APBA2: variants seen among roughly 807,000 people sequenced by gnomAD.
APBA2 encodes the protein amyloid-beta A4 precursor protein-binding family A member 2.
In APBA2, 30 loss-of-function variants were observed where a neutral mutation model predicts 75.0. That is an observed-to-expected ratio of 0.40 (90% CI 0.30 to 0.54). The LOEUF (loss-of-function observed/expected upper bound fraction) is 0.54. Among genes scored for constraint, APBA2 ranks in the 20% least tolerant of loss-of-function variants. The probability of loss-of-function intolerance (pLI) is 0.49; values close to 1 mark genes in which losing one functional copy is unlikely to be tolerated. For synonymous variants in APBA2, 444 were observed against 409.6 expected (o/e 1.08, Z -1.01); for missense variants, 801 against 1,016.1 (o/e 0.79, Z 2.88).
chr15:28,929,184 T>C (rs1045425072), intron 2 of APBA2, among the ~76,000 whole-genome samples: 1 of 152,198 alleles, frequency 6.6e-6, no homozygotes. Flanking sequence ...TATTTGATGG[T>C]TTACTCAGTT....
At chr15:28,945,903 T>A (rs2035522342) in intron 2 of APBA2, among the ~76,000 whole-genome samples, 1 of 152,168 alleles carries the variant, frequency 6.6e-6, no homozygotes, top group African/African-American at 2.4e-5. Flanking sequence ...AGAGTCGTGA[T>A]GAGGAGGAGG....
chr15:28,941,315 T>C (rs1327210776), intron 2 of APBA2, among the ~76,000 whole-genome samples: 1 of 152,082 alleles, frequency 6.6e-6, no homozygotes, highest in Non-Finnish European at 1.5e-5. Context: ...AGAGCCACAC[T>C]GCCCGGGAGC....
intron 2 of APBA2, among the ~76,000 whole-genome samples, chr15:28,931,725 G>A (rs2034575108): frequency 1.3e-5 from 2 of 152,164 alleles, no homozygotes; most frequent in Middle Eastern, 3.4e-3. Context: ...GGGTTAATTG[G>A]GATGTTATTG....
chr15:28,890,800 G>T (rs1283260973), intron 1 of APBA2, among the ~76,000 whole-genome samples: 4 of 152,222 alleles, frequency 2.6e-5, no homozygotes, highest in Non-Finnish European at 5.9e-5. Flanking sequence ...ACTGATGCAA[G>T]ATATTTTATG....
intron 3 of APBA2, among the ~76,000 whole-genome samples, chr15:29,004,766 G>A (rs1271080736): frequency 6.6e-6 from 1 of 152,122 alleles, no homozygotes; most frequent in Non-Finnish European, 1.5e-5. Flanking sequence ...CGTACCCTCC[G>A]CCTCCTGGGT....
intron 3 of APBA2, among the ~76,000 whole-genome samples, chr15:29,000,421 T>C (rs1269343038): frequency 2.0e-5 from 3 of 152,194 alleles, no homozygotes; most frequent in Non-Finnish European, 4.4e-5. Flanking sequence ...AGAAAAGAAG[T>C]TGTGGTAAAC....
intron 4 of APBA2, chr15:29,070,886 G>A: frequency 6.0e-6 from 2 of 331,520 alleles, no homozygotes; most frequent in Non-Finnish European, 1.2e-5. Flanking sequence ...GGGATTCCCA[G>A]AGAAGATTGT....
At chr15:28,984,679 C>T (rs1427786224) in intron 2 of APBA2, among the ~76,000 whole-genome samples, 2 of 151,698 alleles carry the variant, frequency 1.3e-5, no homozygotes, top group Admixed American at 1.3e-4. Flanking sequence ...CTGTATATCT[C>T]TCTCTGTCTA....
chr15:28,951,988 A>G (rs1200397084), intron 2 of APBA2, among the ~76,000 whole-genome samples: 1 of 149,954 alleles, frequency 6.7e-6, no homozygotes, highest in Non-Finnish European at 1.5e-5. Context: ...TCATGGGTTC[A>G]AGGGATTCTC....
rs78243727 is a variant in APBA2 at position 29,072,975 on chromosome 15, G to A, written c.952-1946G>A. Among the ~76,000 whole-genome samples, 1,200 of 152,222 alleles carry A rather than the reference G, an allele frequency of 7.9e-3. 26 individuals carry two copies. The highest frequency in any genetic ancestry group is 0.025 in the African/African-American group (1,052 of 41,522). ...TCGCCATCCTTAAAGCCCGGTGCCC[G>A]CTCCCCTGCATCCCCCACTCCCATT... On this transcript the variant is annotated intron_variant, in intron 4 of 14. Coordinates refer to ENST00000683413, the MANE Select transcript of APBA2 (RefSeq NM_001353788.2).
In APBA2 at chr15:29,053,877, C is replaced by A; in HGVS notation, c.-8C>A. The stretch of plus-strand genomic sequence containing the variant: ...CTCCGGGTGATGATGGCTGTGTGAA[C>A]GACTGCCATGGCCCACCGGAAGCTT... On this transcript the variant is annotated 5_prime_UTR_variant, in exon 4 of 15. Coordinates refer to ENST00000683413, the MANE Select transcript of APBA2 (RefSeq NM_001353788.2). 6.2e-7 allele frequency: 1 copy of A among 1,608,236 alleles called. No individual in the cohort carries two copies. Among genetic ancestry groups the A allele is most frequent in the Non-Finnish European group, 8.5e-7 (1 of 1,175,700 alleles).
At chr15:29,028,311 G>T (rs1320918193) in intron 3 of APBA2, among the ~76,000 whole-genome samples, 3 of 152,030 alleles carry the variant, frequency 2.0e-5, no homozygotes, top group Admixed American at 6.6e-5. Flanking sequence ...TTCCATCCAT[G>T]TTTCTGCAAA....
chr15:29,114,017 G>A lies in APBA2; in HGVS notation c.2178+1G>A. ...AGCTCTGTCCAACTCGGTCGGAGAG[G>A]TAAGGAGGGACTTTGAGTGTGCCTC... On this transcript the variant is annotated splice_donor_variant, in intron 14 of 14. Coordinates refer to ENST00000683413, the MANE Select transcript of APBA2 (RefSeq NM_001353788.2). LOFTEE classifies it high-confidence loss of function. The A allele has an allele frequency of 6.2e-7, 1 of 1,613,806 alleles. No individual in the cohort carries two copies. The highest frequency in any genetic ancestry group is 8.5e-7 in the Non-Finnish European group (1 of 1,180,038).
At chr15:28,910,378 T>C (rs1196907776) in intron 1 of APBA2, among the ~76,000 whole-genome samples, 3 of 152,150 alleles carry the variant, frequency 2.0e-5, no homozygotes, top group Non-Finnish European at 4.4e-5. Flanking sequence ...TGAAAAGTGC[T>C]CAGTGATTGG....
intron 1 of APBA2, among the ~76,000 whole-genome samples, chr15:28,894,329 C>A (rs1211623778): frequency 6.6e-6 from 1 of 152,146 alleles, no homozygotes; most frequent in Non-Finnish European, 1.5e-5. Flanking sequence ...CAGTTTAGAG[C>A]TGGGTGGGAT....
intron 2 of APBA2, among the ~76,000 whole-genome samples, chr15:28,957,174 G>A (rs1025496234): frequency 5.3e-5 from 8 of 152,072 alleles, no homozygotes; most frequent in Admixed American, 1.3e-4. Context: ...CCGGGTTCAC[G>A]CCATTCTCCT....
At chr15:29,094,182 T>G in intron 7 of APBA2, 96 bp from the exon 8 acceptor site, 5 of 1,362,174 alleles carry the variant, frequency 3.7e-6, no homozygotes, top group Middle Eastern at 1.8e-4. Flanking sequence ...GCACCAGACC[T>G]GAGAGTGGGG....
At chr15:29,100,905 A>C (rs980737254) in intron 9 of APBA2, among the ~76,000 whole-genome samples, 1 of 152,202 alleles carries the variant, frequency 6.6e-6, no homozygotes, top group African/African-American at 2.4e-5. Flanking sequence ...TGCACAGTCC[A>C]TTTTGGAAGC....
intron 4 of APBA2, among the ~76,000 whole-genome samples, chr15:29,055,996 G>A (rs1234493012): frequency 6.6e-6 from 1 of 152,160 alleles, no homozygotes; most frequent in Admixed American, 6.5e-5. Context: ...TTAGGCCAAA[G>A]CAAAGTGTTT....
Sources: gnomAD v4.1 joint callset for allele counts (sites outside exome capture counted in the v4.1 genomes callset) on GRCh38, gnomAD v4.1.1 for gene constraint, MANE v1.5 for transcripts, NCBI Gene and HGNC (gene_info 2026-07-23, HGNC 2026-07-21) for gene names.